Variants in GSDME observed in about 807,000 individuals in gnomAD.
GSDME encodes the protein gasdermin-E.
Under a neutral mutation model 47.5 loss-of-function variants are expected in GSDME, and 44 were observed. The observed-to-expected ratio is 0.93, with a 90% CI of 0.73 to 1.19. The LOEUF is 1.19. Ranked by LOEUF, GSDME falls within the 50% of genes most tolerant of loss-of-function variation. The probability of loss-of-function intolerance (pLI) is 0.00; values close to 1 mark genes in which losing one functional copy is unlikely to be tolerated. For missense variants in GSDME, 663 were observed against 604.2 expected (o/e 1.10, Z -1.02); for synonymous variants, 258 against 252.8 (o/e 1.02, Z -0.20).
the GSDME span, among the ~76,000 whole-genome samples, chr7:24,787,041 G>T: frequency 6.6e-6 from 1 of 152,070 alleles, no homozygotes; most frequent in South Asian, 2.1e-4. This position sits in a 1 kb window ranked among gnomAD's most constrained non-coding sequence, Gnocchi z 5.0. Flanking sequence ...TGATTTCCTT[G>T]GCCTCCTCTG....
At chr7:24,770,115 A>G in the GSDME span, among the ~76,000 whole-genome samples, 1 of 152,166 alleles carries the variant, frequency 6.6e-6, no homozygotes, top group East Asian at 1.9e-4. This position sits in a 1 kb window ranked among gnomAD's most constrained non-coding sequence, Gnocchi z 4.6. Flanking sequence ...TCAGCCCTAC[A>G]CCCAAGCCCC....
Position 24,721,167 on chromosome 7 carries a change from C to T in GSDME, c.405-1949G>A, listed in dbSNP as rs1002353738. ...TTCTAGAAATGCAGAGTAGAGATGA[C>T]GGCACAACAGGGTGAATGTATTTAA... is the stretch of plus-strand genomic sequence containing the variant. On this transcript the variant is annotated intron_variant, in intron 3 of 9. Coordinates refer to ENST00000645220, the MANE Select transcript of GSDME (RefSeq NM_001127453.2). The surrounding 1 kb of genome is among the most constrained non-coding windows in gnomAD (Gnocchi z 4.1). 3.3e-5 allele frequency among the ~76,000 whole-genome samples: 5 copies of T among 152,084 alleles called. No individual in the cohort carries two copies. Among genetic ancestry groups the T allele is most frequent in the Admixed American group, 1.3e-4 (2 of 15,268 alleles).
chr7:24,791,199 G>A, the GSDME span, among the ~76,000 whole-genome samples: 18 of 152,170 alleles, frequency 1.2e-4, no homozygotes, highest in African/African-American at 1.7e-4. The surrounding 1 kb of genome is among the most constrained non-coding windows in gnomAD (Gnocchi z 4.8). Context: ...CCTTTTCACC[G>A]TGGCTGCAAG....
rs995526432 is a variant in GSDME at position 24,716,456 on chromosome 7, A to G, written c.697+798T>C. 6.6e-6 allele frequency: 1 copy of G among 152,324 alleles called. No homozygotes were observed. Among genetic ancestry groups the G allele is most frequent in the Non-Finnish European group, 1.5e-5 (1 of 68,162 alleles). 9.4% of individuals were successfully genotyped at this position (152,324 alleles called of 1,614,324 possible). A position where few individuals can be genotyped will look rare whatever the true frequency, so the allele number is the denominator to read the frequency against. On this transcript the variant is annotated intron_variant, in intron 5 of 9. Coordinates refer to ENST00000645220, the MANE Select transcript of GSDME (RefSeq NM_001127453.2). This position sits in a 1 kb window ranked among gnomAD's most constrained non-coding sequence, Gnocchi z 4.5. ...ATAATACCATTGTCACACCTAAAAA[A>G]CTTCACAATTTATTATGTTACATTT...
At chr7:24,794,288 TCTCTTTCTCTC>T in the GSDME span, among the ~76,000 whole-genome samples, 1 of 108,128 alleles carries the variant, frequency 9.2e-6, no homozygotes, top group African/African-American at 4.6e-5. Flanking sequence ...TTCCTCTCTC[TCTCTTTCTCTC>T]CTCTCTCTCT....
At position 24,699,238 on chromosome 7, in the gene GSDME, C is replaced by T. The variant is rs1272700470; in HGVS notation, c.1279G>A (p.Gly427Arg). The change falls in exon 10 of 10, where the codon GGA becomes AGA. Residue 427 changes from glycine to arginine, a missense_variant. Gly to Arg is a moderately radical substitution (Grantham distance 125, BLOSUM62 -2). Transcript: ENST00000645220. Reference protein sequence around the residue: ...CHLLRALSDDGVSDLEDPTLT... With the variant: ...CHLLRALSDDRVSDLEDPTLT... ...GTTGGGTCTTCAAGATCAGATACTC[C>T]ATCATCAGACAGAGCACGAAGCTGA... is the stretch of plus-strand genomic sequence containing the variant. 1.2e-6 allele frequency: 2 copies of T among 1,612,276 alleles called. No individual in the cohort carries two copies. Among genetic ancestry groups the T allele is most frequent in the Admixed American group, 3.3e-5 (2 of 60,004 alleles).
At chr7:24,743,714 C>T (rs913900898) in intron 3 of GSDME, among the ~76,000 whole-genome samples, 4 of 152,166 alleles carry the variant, frequency 2.6e-5, no homozygotes, top group African/African-American at 9.7e-5. Context: ...CTGCCCACAG[C>T]GTCCTGCCCA....
chr7:24,715,127 A>G (rs1789500068), intron 5 of GSDME, among the ~76,000 whole-genome samples: 1 of 152,216 alleles, frequency 6.6e-6, no homozygotes, highest in African/African-American at 2.4e-5. Context: ...TGCATATCAC[A>G]TGGTCTTCCT....
chr7:24,769,341 C>T, the GSDME span, among the ~76,000 whole-genome samples: 2 of 152,204 alleles, frequency 1.3e-5, no homozygotes, highest in African/African-American at 4.8e-5. Flanking sequence ...CCTCTAGGAG[C>T]TCTAACCAGG....
the GSDME span, among the ~76,000 whole-genome samples, chr7:24,789,393 C>T: frequency 6.6e-6 from 1 of 152,136 alleles, no homozygotes; most frequent in African/African-American, 2.4e-5. Flanking sequence ...CTCAAAAAAC[C>T]AAGCTCCCTG....
chr7:24,769,002 C>T, the GSDME span, among the ~76,000 whole-genome samples: 1 of 152,224 alleles, frequency 6.6e-6, no homozygotes, highest in African/African-American at 2.4e-5. Context: ...TGTCATAGAG[C>T]TCATGCTCTA....
At chr7:24,720,951 A>G (rs1468048924) in intron 3 of GSDME, among the ~76,000 whole-genome samples, 1 of 152,146 alleles carries the variant, frequency 6.6e-6, no homozygotes, top group Non-Finnish European at 1.5e-5. Flanking sequence ...CTGCTGCAAC[A>G]TGGGTGAACC....
At chr7:24,760,319 A>G (rs1791147923), upstream of GSDME, among the ~76,000 whole-genome samples, 1 of 152,214 alleles carries the variant, frequency 6.6e-6, no homozygotes, top group African/African-American at 2.4e-5. This position sits in a 1 kb window ranked among gnomAD's most constrained non-coding sequence, Gnocchi z 4.2. Context: ...CATGGCTGCC[A>G]TAATTGCTTC....
At chr7:24,738,880 G>T (rs1790395071) in intron 3 of GSDME, among the ~76,000 whole-genome samples, 2 of 152,094 alleles carry the variant, frequency 1.3e-5, no homozygotes, top group African/African-American at 4.8e-5. Context: ...CATACATTGG[G>T]GAAAGGATAG....
At chr7:24,775,874 CA>C in the GSDME span, among the ~76,000 whole-genome samples, 43 of 31,390 alleles carry the variant, frequency 1.4e-3, no homozygotes, top group African/African-American at 2.4e-3. Context: ...GATTCCATCT[CA>C]AAAAAAAAAA....
the GSDME span, among the ~76,000 whole-genome samples, chr7:24,791,947 G>C: frequency 6.6e-6 from 1 of 152,354 alleles, no homozygotes; most frequent in Admixed American, 6.5e-5. This position sits in a 1 kb window ranked among gnomAD's most constrained non-coding sequence, Gnocchi z 4.8. Flanking sequence ...CCCACAGGGT[G>C]CTGGACTTTG....
At position 24,719,154 on chromosome 7, in the gene GSDME, C is replaced by T. The variant is rs139931428; in HGVS notation, c.469G>A (p.Val157Ile). 96 of 1,613,768 alleles carry T rather than the reference C, an allele frequency of 5.9e-5. No homozygotes were observed. Among genetic ancestry groups the T allele is most frequent in the South Asian group, 2.9e-4 (26 of 91,096 alleles). ...ATCGTCGTGATCTTCTGTGTCAAAACGCACAGGACCTCATTCCTTCCTTCC... is the reference window on the plus strand; with the variant it reads ...ATCGTCGTGATCTTCTGTGTCAAAATGCACAGGACCTCATTCCTTCCTTCC... The part of the protein sequence containing the change: ...VLEGRNEVLC[V>I]LTQKITTMQK... The change falls in exon 4 of 10, where the codon GTT becomes ATT. Residue 157 changes from valine (V) to isoleucine (I), a missense_variant. By Grantham distance (29) the Val-to-Ile change is conservative (BLOSUM62 3). Coordinates refer to ENST00000645220, the MANE Select transcript of GSDME (RefSeq NM_001127453.2).
Position 24,705,766 on chromosome 7 carries a change from G to A in GSDME, c.1183+418C>T, listed in dbSNP as rs1789070766. 1 of 330,208 alleles carries A rather than the reference G, an allele frequency of 3.0e-6. No individual in the cohort carries two copies. The highest frequency in any genetic ancestry group is 5.9e-6 in the Non-Finnish European group (1 of 169,586). The allele number at this position is 330,208 out of a possible 1,614,324, so 20.5% of individuals were successfully genotyped here. ...CTTGCCCCAGACAGGAGCACGCAGG[G>A]TGGGGAATAACAAGTTTGCAAAGAT... On this transcript the variant is annotated intron_variant, in intron 8 of 9. Coordinates refer to ENST00000645220, the MANE Select transcript of GSDME (RefSeq NM_001127453.2). This position sits in a 1 kb window ranked among gnomAD's most constrained non-coding sequence, Gnocchi z 4.1.
rs371705826 is a variant in GSDME, at chr7:24,719,131, C to T, written c.492G>A (p.Thr164=). 8 of 1,613,840 alleles carry T rather than the reference C, an allele frequency of 5.0e-6. No homozygotes were observed. The highest frequency in any genetic ancestry group is 1.7e-4 in the Middle Eastern group (1 of 6,022). The stretch of plus-strand genomic sequence containing the variant: ...GCTCAGAGATCACACACTTCTGCAT[C>T]GTCGTGATCTTCTGTGTCAAAACGC... The part of the protein sequence containing the change: ...VLCVLTQKIT[T]MQKCVISEHM... Residue 164 remains threonine (T), a synonymous_variant, in exon 4 of 10, where the codon ACG becomes ACA. Coordinates refer to ENST00000645220, the MANE Select transcript of GSDME (RefSeq NM_001127453.2).
Sources: gnomAD v4.1 joint callset for allele counts (sites outside exome capture counted in the v4.1 genomes callset) on GRCh38, gnomAD v4.1.1 for gene constraint, Gnocchi (gnomAD v3.1) non-coding constraint, MANE v1.5 for transcripts, NCBI Gene and HGNC (gene_info 2026-07-23, HGNC 2026-07-21) for gene names.